LRFN2: variants seen among roughly 807,000 people sequenced by gnomAD.
The protein encoded by LRFN2 is leucine rich repeat and fibronectin type III domain containing 2, also known as leucine-rich repeat and fibronectin type-III domain-containing protein 2.
LRFN2 carries 18 observed loss-of-function variants against 37.3 expected under a neutral mutation model. The ratio of observed to expected loss-of-function variants is 0.48; its 90% CI spans 0.33 to 0.72. The LOEUF (loss-of-function observed/expected upper bound fraction) is 0.72. LRFN2 is among the 30% of genes least tolerant of loss of function. The pLI, the probability that LRFN2 is intolerant of heterozygous loss-of-function variation, is 0.02. For synonymous variants in LRFN2, 556 were observed against 466.6 expected, an observed-to-expected ratio of 1.19 and a Z score of -2.47; for missense variants, 1,006 against 1,060.7, an observed-to-expected ratio of 0.95 and a Z score of 0.72.
intron 2 of LRFN2, among the ~76,000 whole-genome samples, chr6:40,403,923 C>G (rs1331714268): frequency 6.6e-6 from 1 of 152,196 alleles, no homozygotes; most frequent in Non-Finnish European, 1.5e-5. Context: ...ACTCCCCATT[C>G]TTACTCTACA....
At chr6:40,521,162 T>A (rs1020284279) in intron 1 of LRFN2, among the ~76,000 whole-genome samples, 2 of 151,500 alleles carry the variant, frequency 1.3e-5, no homozygotes, top group African/African-American at 2.4e-5. Flanking sequence ...CCATAGTATG[T>A]TGAATAGAGG....
chr6:40,416,430 T>TGG (rs1763094127), intron 2 of LRFN2, among the ~76,000 whole-genome samples: 1 of 4,494 alleles, frequency 2.2e-4, no homozygotes, highest in Non-Finnish European at 3.9e-4. Flanking sequence ...TGAGGGGTGG[T>TGG]GGGTGGGAGG....
At chr6:40,446,808 C>G (rs973146256) in intron 1 of LRFN2, among the ~76,000 whole-genome samples, 2 of 152,242 alleles carry the variant, frequency 1.3e-5, no homozygotes, top group Non-Finnish European at 2.9e-5. Context: ...AACTAGACCT[C>G]CCAGAGAAGT....
chr6:40,559,534 G>T (rs1766954180), intron 1 of LRFN2, among the ~76,000 whole-genome samples: 1 of 152,120 alleles, frequency 6.6e-6, no homozygotes, highest in Non-Finnish European at 1.5e-5. Flanking sequence ...GCCCACTATG[G>T]GGGTAGGGGC....
At chr6:40,422,465 T>A (rs1763250758) in intron 2 of LRFN2, among the ~76,000 whole-genome samples, 1 of 151,868 alleles carries the variant, frequency 6.6e-6, no homozygotes, top group Non-Finnish European at 1.5e-5. Context: ...GGGATGCCAC[T>A]ACTCAAGGGG....
intron 1 of LRFN2, among the ~76,000 whole-genome samples, chr6:40,543,584 G>T (rs553208515): frequency 6.6e-6 from 1 of 152,184 alleles, no homozygotes; most frequent in Non-Finnish European, 1.5e-5. Context: ...AATCTCTTAA[G>T]CTTGACATGG....
intron 1 of LRFN2, among the ~76,000 whole-genome samples, chr6:40,515,779 G>C (rs761975410): frequency 2.0e-5 from 3 of 151,674 alleles, no homozygotes; most frequent in Non-Finnish European, 4.4e-5. Context: ...TGTAATCCCA[G>C]GTACTCGGGA....
chr6:40,567,044 C>T (rs1309026382), intron 1 of LRFN2, among the ~76,000 whole-genome samples: 2 of 148,036 alleles, frequency 1.4e-5, no homozygotes, highest in Admixed American at 1.4e-4. Flanking sequence ...TGTCTGTAGC[C>T]CCTACATCCC....
At chr6:40,517,707 C>T (rs1257150349) in intron 1 of LRFN2, among the ~76,000 whole-genome samples, 1 of 152,164 alleles carries the variant, frequency 6.6e-6, no homozygotes, top group South Asian at 2.1e-4. Flanking sequence ...CTGTGCAAAG[C>T]CTAATTAGGG....
intron 1 of LRFN2, among the ~76,000 whole-genome samples, chr6:40,582,619 C>T (rs945233527): frequency 3.3e-5 from 5 of 151,714 alleles, no homozygotes; most frequent in African/African-American, 9.7e-5. Context: ...ATCAAAGATG[C>T]CCTGATTTTC....
intron 1 of LRFN2, among the ~76,000 whole-genome samples, chr6:40,449,509 CCTTCCTGCTT>C (rs1764053695): frequency 1.3e-5 from 2 of 152,182 alleles, no homozygotes; most frequent in South Asian, 4.1e-4. Context: ...TGTCTTTGCT[CCTTCCTGCTT>C]TCTACTGATT....
intron 1 of LRFN2, among the ~76,000 whole-genome samples, chr6:40,519,661 A>T (rs1165222779): frequency 6.6e-6 from 1 of 152,238 alleles, no homozygotes; most frequent in Non-Finnish European, 1.5e-5. Context: ...AACCAGGCTC[A>T]GCATTGCTGC....
At chr6:40,435,640 G>A (rs980582943) in intron 1 of LRFN2, among the ~76,000 whole-genome samples, 4 of 151,960 alleles carry the variant, frequency 2.6e-5, no homozygotes, top group Admixed American at 6.6e-5. Flanking sequence ...CCAGGTTCAC[G>A]CCATTCTCCT....
chr6:40,585,177 A>G (rs139142049), intron 1 of LRFN2, among the ~76,000 whole-genome samples: 12 of 152,338 alleles, frequency 7.9e-5, no homozygotes, highest in African/African-American at 2.6e-4. Context: ...TGAAACAGAA[A>G]TGCCAAGTTT....
intron 1 of LRFN2, among the ~76,000 whole-genome samples, chr6:40,483,774 C>G (rs1339008034): frequency 2.0e-5 from 3 of 152,266 alleles, no homozygotes; most frequent in South Asian, 2.1e-4. Flanking sequence ...CCTTCCCTCC[C>G]TTTACCCTCA....
At position 40,454,521 on chromosome 6, in the gene LRFN2, G is replaced by C. The variant is rs143404367; in HGVS notation, c.-18-21390C>G. Among the ~76,000 whole-genome samples the C allele has an allele frequency of 2.0e-5, 3 of 152,266 alleles. 1 individual carries two copies. Among genetic ancestry groups the C allele is most frequent in the African/African-American group, 7.2e-5 (3 of 41,550 alleles). On this transcript the variant is annotated intron_variant, in intron 1 of 2. Transcript: ENST00000338305. ...GAAGTTTTATAGGGTCATGCTGGAG[G>C]GGGTACGTGCAGAAGGAGGTCATTG...
Position 40,559,942 on chromosome 6 carries a change from C to G in LRFN2, c.-19+26999G>C, listed in dbSNP as rs552441708. Among the ~76,000 whole-genome samples the G allele has an allele frequency of 2.5e-3, 377 of 152,308 alleles. 2 individuals are homozygous for G. The highest frequency in any genetic ancestry group is 8.1e-3 in the South Asian group (39 of 4,822). ...CTTCCGTTCCCAGGCACAGTCCTGA[C>G]TTGGCCCTCCCCATGCCAAGGCGAG... On this transcript the variant is annotated intron_variant, in intron 1 of 2. Transcript: ENST00000338305.
intron 1 of LRFN2, among the ~76,000 whole-genome samples, chr6:40,441,221 G>A (rs1427354656): frequency 2.0e-5 from 3 of 152,196 alleles, no homozygotes; most frequent in South Asian, 2.1e-4. Context: ...CTTGAGACAC[G>A]TGTGAGCCAA....
intron 1 of LRFN2, among the ~76,000 whole-genome samples, chr6:40,567,033 A>C (rs1050295729): frequency 6.6e-6 from 1 of 151,692 alleles, no homozygotes; most frequent in Non-Finnish European, 1.5e-5. Context: ...TTACAATATT[A>C]TGTCTGTAGC....
Sources: gnomAD v4.1 joint callset for allele counts (sites outside exome capture counted in the v4.1 genomes callset) on GRCh38, gnomAD v4.1.1 for gene constraint, MANE v1.5 for transcripts, NCBI Gene and HGNC (gene_info 2026-07-23, HGNC 2026-07-21) for gene names.